RNF115: variants seen among roughly 807,000 people sequenced by gnomAD.
RNF115 encodes ring finger protein 115.
A neutral mutation model predicts 39.2 loss-of-function variants in RNF115; 31 were observed. That is an observed-to-expected ratio of 0.79 (90% CI 0.59 to 1.07). RNF115 has a LOEUF of 1.07. Ranked by LOEUF, RNF115 falls within the 50% of genes least tolerant of loss-of-function variation. RNF115 has a pLI of 0.00. For synonymous variants in RNF115, 124 were observed against 131.0 expected (o/e 0.95, Z 0.37); for missense variants, 384 against 381.7 (o/e 1.01, Z -0.05).
At chr1:145,770,021 C>A (rs1482745761) in intron 4 of RNF115, among the ~76,000 whole-genome samples, 1 of 151,950 alleles carries the variant, frequency 6.6e-6, no homozygotes, top group Non-Finnish European at 1.5e-5. Flanking sequence ...AACCCCGACC[C>A]CTAAAAAAGA....
intron 3 of RNF115, among the ~76,000 whole-genome samples, chr1:145,774,335 A>T (rs1426735372): frequency 3.4e-5 from 5 of 147,406 alleles, no homozygotes; most frequent in Non-Finnish European, 3.0e-5. Context: ...AAATCCAGAC[A>T]TTTCTTTCTT....
At chr1:145,795,462 ATTTTACAGAGTGCTGATTGGTACAT>A (rs1571765523) in intron 1 of RNF115, among the ~76,000 whole-genome samples, 1 of 152,006 alleles carries the variant, frequency 6.6e-6, no homozygotes, top group South Asian at 2.1e-4. Context: ...TGATTGGTCC[ATTTTACAGAGTGCTGATTGGTACAT>A]TTTTACAGAG....
intron 3 of RNF115, 107 bp from the exon 4 acceptor site, chr1:145,772,026 T>C (rs1352527095): frequency 5.8e-6 from 5 of 857,386 alleles, no homozygotes; most frequent in Non-Finnish European, 9.1e-6. Flanking sequence ...TATTACTGTA[T>C]GTCTTCTTCT....
At chr1:145,761,073 G>T (rs1326011708) in intron 4 of RNF115, among the ~76,000 whole-genome samples, 1 of 152,182 alleles carries the variant, frequency 6.6e-6, no homozygotes, top group African/African-American at 2.4e-5. Context: ...ACTTGAGAGA[G>T]ATGATTCAGA....
chr1:145,761,865 G>A (rs1031657324), intron 4 of RNF115, among the ~76,000 whole-genome samples: 1 of 151,318 alleles, frequency 6.6e-6, no homozygotes, highest in Non-Finnish European at 1.5e-5. Flanking sequence ...GAAAGCAGCC[G>A]GGAGGGAGGT....
intron 6 of RNF115, 45 bp downstream of exon 6, chr1:145,751,393 C>A (rs1193677150): frequency 1.4e-5 from 19 of 1,338,620 alleles, no homozygotes; most frequent in Non-Finnish European, 1.8e-5. Context: ...GCCTGTGGAA[C>A]CATGAGACAC....
intron 1 of RNF115, among the ~76,000 whole-genome samples, chr1:145,793,842 C>CTTTTT (rs11304765): frequency 7.4e-6 from 1 of 135,794 alleles, no homozygotes; most frequent in African/African-American, 2.7e-5. Context: ...TACCCTCTTT[C>CTTTTT]TTTTTTTTTT....
At chr1:145,812,190 A>C (rs1308300258) in intron 1 of RNF115, among the ~76,000 whole-genome samples, 1 of 149,176 alleles carries the variant, frequency 6.7e-6, no homozygotes, top group Non-Finnish European at 1.5e-5. Flanking sequence ...AAGCAAAATG[A>C]AACTTCTGGA....
chr1:145,814,666 A>C (rs114957102), intron 1 of RNF115, among the ~76,000 whole-genome samples: 2,892 of 151,676 alleles, frequency 0.019, no homozygotes, highest in African/African-American at 0.066. Context: ...AAATACAAAA[A>C]ATTTCTTCTG....
chr1:145,798,171 C>T (rs1553720375), intron 1 of RNF115, among the ~76,000 whole-genome samples: 1 of 152,046 alleles, frequency 6.6e-6, no homozygotes, highest in Non-Finnish European at 1.5e-5. Context: ...CCTATTTTTG[C>T]TTTTGTTGCC....
intron 2 of RNF115, among the ~76,000 whole-genome samples, chr1:145,788,273 G>A (rs184622290): frequency 9.4e-4 from 143 of 152,150 alleles, no homozygotes; most frequent in Admixed American, 2.6e-3. Context: ...ATGGAGACGG[G>A]GTTTCACCAT....
In RNF115 at chr1:145,823,894, G is replaced by C; in HGVS notation, c.-21C>G. 6.7e-7 allele frequency: 1 copy of C among 1,493,416 alleles called. No individual in the cohort carries two copies. The allele number at this position is 1,493,416 out of a possible 1,614,324, so 92.5% of individuals were successfully genotyped here. The stretch of plus-strand genomic sequence containing the variant: ...GCCATTTTTGCCCTCCGCCGCGGCC[G>C]TCCGAGAGGGCAGCCGGCCCGTCCC... On this transcript the variant is annotated 5_prime_UTR_variant, in exon 1 of 9. Coordinates refer to ENST00000582693, the MANE Select transcript of RNF115 (RefSeq NM_014455.4).
intron 1 of RNF115, among the ~76,000 whole-genome samples, chr1:145,789,468 G>A (rs1470627519): frequency 7.3e-5 from 11 of 150,270 alleles, no homozygotes; most frequent in African/African-American, 2.5e-4. Flanking sequence ...GCATGATCTC[G>A]GCTCACGGCA....
At chr1:145,808,658 A>G (rs1649564623) in intron 1 of RNF115, among the ~76,000 whole-genome samples, 1 of 152,208 alleles carries the variant, frequency 6.6e-6, no homozygotes, top group Non-Finnish European at 1.5e-5. Context: ...ACCATTATAA[A>G]TAGTTTTTGC....
At chr1:145,772,510 T>G (rs1553715916) in intron 3 of RNF115, 1 of 152,394 alleles carries the variant, frequency 6.6e-6, no homozygotes, top group Non-Finnish European at 1.5e-5. Flanking sequence ...AATTCTTGGT[T>G]GGCAGGTCTG....
intron 4 of RNF115, among the ~76,000 whole-genome samples, chr1:145,760,479 T>C (rs57677568): frequency 2.6e-3 from 390 of 152,254 alleles, no homozygotes; most frequent in African/African-American, 8.8e-3. Context: ...GGGGAGGTAA[T>C]TGAATCATGG....
At chr1:145,794,834 G>C (rs1553719661) in intron 1 of RNF115, among the ~76,000 whole-genome samples, 2 of 151,600 alleles carry the variant, frequency 1.3e-5, no homozygotes, top group African/African-American at 4.8e-5. Flanking sequence ...TGGCTAACAC[G>C]GTGAAACCCT....
intron 3 of RNF115, chr1:145,773,352 G>A (rs902791046): frequency 1.3e-5 from 2 of 151,920 alleles, no homozygotes; most frequent in Non-Finnish European, 2.9e-5. Context: ...GTACAGTGGT[G>A]TGTGCCTGTA....
chr1:145,784,446 C>G (rs1416317756), intron 3 of RNF115, 93 bp downstream of exon 3: 4 of 1,128,540 alleles, frequency 3.5e-6, no homozygotes, highest in Non-Finnish European at 5.4e-6. Flanking sequence ...CAGTTAAACT[C>G]TGATGTTGTG....
Sources: gnomAD v4.1 joint callset for allele counts (sites outside exome capture counted in the v4.1 genomes callset) on GRCh38, gnomAD v4.1.1 for gene constraint, MANE v1.5 for transcripts, NCBI Gene and HGNC (gene_info 2026-07-23, HGNC 2026-07-21) for gene names.